Variants in ZPLD1 observed in about 807,000 individuals in gnomAD.
ZPLD1 encodes the protein zona pellucida like domain containing 1.
Under a neutral mutation model 47.2 loss-of-function variants are expected in ZPLD1, and 34 were observed. That is an observed-to-expected ratio of 0.72 (90% confidence interval 0.55 to 0.96). ZPLD1 has a LOEUF of 0.96. Ranked by LOEUF, ZPLD1 falls within the 40% of genes least tolerant of loss-of-function variation. The pLI, the probability that ZPLD1 is intolerant of heterozygous loss-of-function variation, is 0.00. For missense variants in ZPLD1, 512 were observed against 505.8 expected, an observed-to-expected ratio of 1.01 and a Z score of -0.12; for synonymous variants, 176 against 186.2, an observed-to-expected ratio of 0.95 and a Z score of 0.45.
At chr3:102,444,613 T>C (rs902870606) in intron 3 of ZPLD1, among the ~76,000 whole-genome samples, 1 of 152,172 alleles carries the variant, frequency 6.6e-6, no homozygotes, top group African/African-American at 2.4e-5. Context: ...GTTTTAGAGA[T>C]AAAAGCAGAA....
intron 7 of ZPLD1, among the ~76,000 whole-genome samples, chr3:102,410,029 AT>A (rs1209521947): frequency 6.6e-6 from 1 of 151,808 alleles, no homozygotes; most frequent in Non-Finnish European, 1.5e-5. Flanking sequence ...TATGAAACTC[AT>A]TTTCCAGACT....
intron 8 of ZPLD1, among the ~76,000 whole-genome samples, chr3:102,419,418 C>T (rs1015404098): frequency 6.6e-6 from 1 of 151,716 alleles, no homozygotes; most frequent in Non-Finnish European, 1.5e-5. Context: ...TTTTCAGAAA[C>T]ATCCTCAAAA....
intron 8 of ZPLD1, among the ~76,000 whole-genome samples, chr3:102,418,911 G>A (rs1022233089): frequency 8.5e-5 from 13 of 152,140 alleles, no homozygotes; most frequent in African/African-American, 3.1e-4. Flanking sequence ...TTTCTTGGGT[G>A]ATCTCTAAGT....
intron 6 of ZPLD1, among the ~76,000 whole-genome samples, chr3:102,385,578 G>T (rs1400382748): frequency 6.6e-6 from 1 of 152,014 alleles, no homozygotes; most frequent in Non-Finnish European, 1.5e-5. Context: ...TTTACAAAGG[G>T]CTGTAGCTTA....
At chr3:102,406,913 A>C (rs1412576414) in intron 7 of ZPLD1, among the ~76,000 whole-genome samples, 3 of 151,832 alleles carry the variant, frequency 2.0e-5, no homozygotes, top group Non-Finnish European at 4.4e-5. Flanking sequence ...CATATCGTGC[A>C]AATGTTATCA....
rs140264943 is a variant in ZPLD1 at position 102,398,747 on chromosome 3, T to C, written c.-157+6522T>C. On this transcript the variant is annotated intron_variant, in intron 7 of 17. Coordinates refer to the ZPLD1 transcript ENST00000491959. ...GCATATTTAGTAAAGATCATGCCTT[T>C]TAAATGTAAAGAAAATAAAATCTTT... is the stretch of plus-strand genomic sequence containing the variant. Among the ~76,000 whole-genome samples, 4 of 152,288 alleles carry C rather than the reference T, an allele frequency of 2.6e-5. No homozygotes were observed. The East Asian group carries it at 7.7e-4, about 29-fold the overall frequency.
intron 3 of ZPLD1, among the ~76,000 whole-genome samples, chr3:102,444,386 T>G (rs1380590392): frequency 6.6e-6 from 1 of 152,224 alleles, no homozygotes. Flanking sequence ...GAATTCCTAA[T>G]CCACTTTAAG....
At chr3:102,470,036 A>G (rs997080060) in intron 9 of ZPLD1, among the ~76,000 whole-genome samples, 3 of 152,180 alleles carry the variant, frequency 2.0e-5, no homozygotes, top group Non-Finnish European at 2.9e-5. Flanking sequence ...GTAAATGGAG[A>G]GTCCACATTA....
chr3:102,469,235 G>A (rs1707645954), intron 9 of ZPLD1, 100 bp downstream of exon 9: 2 of 1,247,996 alleles, frequency 1.6e-6, no homozygotes, highest in Admixed American at 4.8e-5. Context: ...GTGGATATGT[G>A]TTAGATCAAA....
Position 102,398,909 on chromosome 3 carries a change from C to T in ZPLD1, c.-157+6684C>T, listed in dbSNP as rs1394853075. 5.9e-5 allele frequency among the ~76,000 whole-genome samples: 9 copies of T among 152,098 alleles called. 1 individual carries two copies. In the South Asian group the frequency reaches 6.2e-4, roughly 10 times the overall value. ...ACACACACACACACACACATATGCA[C>T]GCACACACTTTTATTTATAACTTTA... On this transcript the variant is annotated intron_variant, in intron 7 of 17. Coordinates refer to the ZPLD1 transcript ENST00000491959.
At chr3:102,417,984 T>G (rs1003966408) in intron 7 of ZPLD1, 1 of 152,358 alleles carries the variant, frequency 6.6e-6, no homozygotes, top group African/African-American at 2.4e-5. Context: ...GATGATTAGT[T>G]TTGTAAAACC....
At chr3:102,459,014 C>T (rs1174826977) in intron 6 of ZPLD1, among the ~76,000 whole-genome samples, 1 of 138,548 alleles carries the variant, frequency 7.2e-6, no homozygotes, top group East Asian at 2.3e-4. Context: ...GGCGTGAACC[C>T]GGGAGGCGGA....
chr3:102,406,533 A>G (rs993784705), intron 7 of ZPLD1, among the ~76,000 whole-genome samples: 1 of 151,940 alleles, frequency 6.6e-6, no homozygotes, highest in Non-Finnish European at 1.5e-5. Flanking sequence ...ACATTTATAT[A>G]CAAGTTTTTA....
intron 3 of ZPLD1, among the ~76,000 whole-genome samples, chr3:102,451,364 G>T (rs928507669): frequency 3.9e-5 from 6 of 152,052 alleles, no homozygotes; most frequent in Admixed American, 3.3e-4. Flanking sequence ...ATTTTGTTTG[G>T]TTTTCCTCTT....
chr3:102,440,093 T>C (rs1211188887), intron 3 of ZPLD1, among the ~76,000 whole-genome samples: 1 of 152,208 alleles, frequency 6.6e-6, no homozygotes, highest in Non-Finnish European at 1.5e-5. Context: ...TTAAGTAAAT[T>C]CAAGTCAATT....
chr3:102,454,728 T>C (rs1707386281), intron 4 of ZPLD1, among the ~76,000 whole-genome samples: 1 of 152,180 alleles, frequency 6.6e-6, no homozygotes, highest in Admixed American at 6.5e-5. Flanking sequence ...TGGTGGCGTG[T>C]GCCTCTAATC....
At chr3:102,411,380 G>A (rs975577304) in intron 7 of ZPLD1, among the ~76,000 whole-genome samples, 1 of 151,684 alleles carries the variant, frequency 6.6e-6, no homozygotes, top group African/African-American at 2.4e-5. Context: ...TTAGTAAGCT[G>A]GGTAGGAATA....
In ZPLD1 at chr3:102,470,501, T is replaced by TG. The variant is rs762039215; in HGVS notation, c.1042+1dup. ...CTGCTGGTCCCATCATTACTCGGAG[T>TG]GGTAAGTGTGCTCCTCCTTCTGTAT... On this transcript the variant is annotated frameshift_variant and splice_region_variant, in exon 10 of 12. Coordinates refer to ENST00000466937, the MANE Select transcript of ZPLD1 (RefSeq NM_001329788.2). LOFTEE classifies it high-confidence loss of function. The TG allele has an allele frequency of 6.2e-7, 1 of 1,613,086 alleles. No homozygotes were observed. The highest frequency in any genetic ancestry group is 1.1e-5 in the South Asian group (1 of 91,014).
Position 102,421,104 on chromosome 3 carries a change from C to A in ZPLD1, c.-9+2897C>A, listed in dbSNP as rs1263931984. Among the ~76,000 whole-genome samples, 5 of 151,810 alleles carry A rather than the reference C, an allele frequency of 3.3e-5. No homozygotes were observed. The East Asian group carries it at 9.7e-4, about 29-fold the overall frequency. ...GTAAGTTCTTGAATCTAAAATTTAA[C>A]CATTCAAAAAGTAAGAGAGACTGAA... On this transcript the variant is annotated intron_variant, in intron 8 of 17. Transcript: ENST00000491959.
Sources: allele counts gnomAD v4.1 joint callset (sites outside exome capture counted in the v4.1 genomes callset), GRCh38; gene constraint gnomAD v4.1.1; transcripts MANE v1.5; gene names NCBI Gene and HGNC (gene_info 2026-07-23, HGNC 2026-07-21).